The following BLTP3A variants were observed in gnomAD, a reference collection of about 807,000 sequenced individuals.
The protein encoded by BLTP3A is ICBP90 binding protein 1.
the BLTP3A span, chr6:34,871,718 G>T: frequency 6.2e-7 from 1 of 1,613,762 alleles, no homozygotes; most frequent in African/African-American, 1.3e-5. Context: ...CAGCCTGTTG[G>T]TTTCTCTGCC....
the BLTP3A span, chr6:34,858,530 C>G: frequency 6.2e-7 from 1 of 1,614,164 alleles, no homozygotes; most frequent in East Asian, 2.2e-5. Context: ...TTCCCCCTGT[C>G]CATTTGGGCC....
chr6:34,871,946 T>C, the BLTP3A span: 1 of 1,607,058 alleles, frequency 6.2e-7, no homozygotes, highest in East Asian at 2.2e-5. Flanking sequence ...AACAGAACAG[T>C]AGCTGCCCAT....
the BLTP3A span, chr6:34,792,225 C>T: frequency 6.5e-7 from 1 of 1,533,308 alleles, no homozygotes; most frequent in Non-Finnish European, 8.8e-7. Context: ...GGCCCACCCG[C>T]CTTCCACGCG....
At chr6:34,846,572 G>A in the BLTP3A span, among the ~76,000 whole-genome samples, 2 of 152,156 alleles carry the variant, frequency 1.3e-5, no homozygotes, top group Non-Finnish European at 2.9e-5. Context: ...ATTGTTTGCT[G>A]TTGGCATATT....
At chr6:34,805,667 G>A in the BLTP3A span, among the ~76,000 whole-genome samples, 7 of 146,286 alleles carry the variant, frequency 4.8e-5, no homozygotes, top group Admixed American at 1.4e-4. Context: ...GGAGGCTGAG[G>A]CAGAAGGATT....
At chr6:34,859,332 G>T in the BLTP3A span, 1 of 1,613,872 alleles carries the variant, frequency 6.2e-7, no homozygotes, top group Non-Finnish European at 8.5e-7. Flanking sequence ...CAGCTGCATT[G>T]AAGCCCCCAG....
the BLTP3A span, among the ~76,000 whole-genome samples, chr6:34,828,670 A>T: frequency 6.6e-6 from 1 of 151,948 alleles, no homozygotes; most frequent in African/African-American, 2.4e-5. Flanking sequence ...GGCCTTGTTC[A>T]TAAGTCACTT....
the BLTP3A span, among the ~76,000 whole-genome samples, chr6:34,862,024 T>C: frequency 6.6e-6 from 1 of 152,254 alleles, no homozygotes; most frequent in Non-Finnish European, 1.5e-5. Flanking sequence ...TGAAATGTCC[T>C]TATTTTTGTG....
chr6:34,862,187 C>T, the BLTP3A span, among the ~76,000 whole-genome samples: 4 of 151,424 alleles, frequency 2.6e-5, no homozygotes, highest in African/African-American at 9.7e-5. Context: ...ACCATCCTGA[C>T]TAACACAGTG....
chr6:34,863,978 G>GTTTTTTTT, the BLTP3A span: 1 of 1,477,960 alleles, frequency 6.8e-7, no homozygotes. Flanking sequence ...CACATTTGTG[G>GTTTTTTTT]TTTTTGTTTT....
the BLTP3A span, among the ~76,000 whole-genome samples, chr6:34,812,976 T>G: frequency 6.6e-6 from 1 of 152,172 alleles, no homozygotes; most frequent in East Asian, 1.9e-4. Flanking sequence ...GTGAAAATAT[T>G]TTGCTGTAGA....
At chr6:34,827,300 ACT>A in the BLTP3A span, among the ~76,000 whole-genome samples, 1 of 150,080 alleles carries the variant, frequency 6.7e-6, no homozygotes. Context: ...ACAGAGTGAG[ACT>A]CTGTTTCAAA....
chr6:34,877,454 C>T, the BLTP3A span: 1 of 152,624 alleles, frequency 6.6e-6, no homozygotes, highest in African/African-American at 2.4e-5. Context: ...TCTAGTCAAA[C>T]TTTGAGTGTA....
At chr6:34,835,374 C>G in the BLTP3A span, 263 of 1,613,986 alleles carry the variant, frequency 1.6e-4, no homozygotes, top group East Asian at 2.3e-3. Context: ...ACTCACAGCT[C>G]AAGGCTATGA....
chr6:34,858,655 C>T, the BLTP3A span: 1 of 1,614,208 alleles, frequency 6.2e-7, no homozygotes. Flanking sequence ...GGCTCTTGCC[C>T]CTGACTCTAT....
the BLTP3A span, among the ~76,000 whole-genome samples, chr6:34,824,513 G>A: frequency 6.9e-6 from 1 of 145,896 alleles, no homozygotes. Context: ...AGCCGAGATC[G>A]CGCCATTGCA....
the BLTP3A span, chr6:34,836,158 C>T: frequency 6.2e-7 from 1 of 1,613,888 alleles, no homozygotes; most frequent in Non-Finnish European, 8.5e-7. Flanking sequence ...ACATGTAGAT[C>T]ACTCCACCAG....
chr6:34,858,806 A>G, the BLTP3A span: 2 of 1,614,106 alleles, frequency 1.2e-6, no homozygotes, highest in East Asian at 2.2e-5. Context: ...GCAGATGTTC[A>G]TATGCTTGTA....
chr6:34,792,494 T>A, the BLTP3A span, among the ~76,000 whole-genome samples: 3 of 151,944 alleles, frequency 2.0e-5, no homozygotes, highest in African/African-American at 7.2e-5. Context: ...GCTCTGTGCT[T>A]CCCCCGCGCT....
Sources: allele counts gnomAD v4.1 joint callset (sites outside exome capture counted in the v4.1 genomes callset), GRCh38; gene constraint gnomAD v4.1.1; transcripts MANE v1.5; gene names NCBI Gene and HGNC (gene_info 2026-07-23, HGNC 2026-07-21).